The following N4BP2L2 variants were observed in gnomAD, a reference collection of about 807,000 sequenced individuals.
The protein encoded by N4BP2L2 is NEDD4 binding protein 2 like 2.
Under a neutral mutation model 56.2 loss-of-function variants are expected in N4BP2L2, and 50 were observed. The observed-to-expected ratio is 0.89, with a 90% confidence interval of 0.71 to 1.13. N4BP2L2 has a LOEUF of 1.13. Among genes scored for constraint, N4BP2L2 ranks in the 50% most tolerant of loss-of-function variants. The probability of loss-of-function intolerance (pLI) is 0.00; values close to 1 mark genes in which losing one functional copy is unlikely to be tolerated. For synonymous variants in N4BP2L2, 203 were observed against 223.6 expected, an observed-to-expected ratio of 0.91 and a Z score of 0.82; for missense variants, 689 against 693.8, an observed-to-expected ratio of 0.99 and a Z score of 0.08.
chr13:32,470,779 C>T (rs2082150451), intron 6 of N4BP2L2, among the ~76,000 whole-genome samples: 1 of 152,216 alleles, frequency 6.6e-6, no homozygotes, highest in Non-Finnish European at 1.5e-5. Context: ...ATGCTGAGTA[C>T]AAGTACCTTA....
chr13:32,435,487 G>A (rs544828411), intron 9 of N4BP2L2, among the ~76,000 whole-genome samples: 1 of 152,290 alleles, frequency 6.6e-6, no homozygotes, highest in Admixed American at 6.5e-5. Flanking sequence ...GCCTGCCTCG[G>A]CCTCCCAAAG....
exon 3 of N4BP2L2, chr13:32,527,425 T>C: frequency 6.2e-7 from 1 of 1,614,018 alleles, no homozygotes; most frequent in Non-Finnish European, 8.5e-7. Context: ...CTGGTTCCAG[T>C]CATGGGCATC....
chr13:32,498,583 C>G (rs941430984), intron 6 of N4BP2L2, among the ~76,000 whole-genome samples: 12 of 151,626 alleles, frequency 7.9e-5, no homozygotes, highest in Non-Finnish European at 1.3e-4. Context: ...CTCAAGTGAT[C>G]CACCTGCCTT....
intron 6 of N4BP2L2, among the ~76,000 whole-genome samples, chr13:32,484,190 G>A (rs933990534): frequency 1.2e-4 from 18 of 151,864 alleles, no homozygotes; most frequent in African/African-American, 4.4e-4. Flanking sequence ...AAGTGTGGTG[G>A]CGCACGTCTG....
chr13:32,450,016 A>G (rs1433174599), intron 6 of N4BP2L2, among the ~76,000 whole-genome samples: 1 of 152,240 alleles, frequency 6.6e-6, no homozygotes, highest in East Asian at 1.9e-4. Context: ...CAATGAGACA[A>G]AGACACAGAA....
chr13:32,472,019 C>A (rs1422427402), intron 6 of N4BP2L2, among the ~76,000 whole-genome samples: 1 of 152,218 alleles, frequency 6.6e-6, no homozygotes, highest in Non-Finnish European at 1.5e-5. Flanking sequence ...CTAACTTCCA[C>A]TTTACAAGAA....
At chr13:32,517,706 T>C in exon 6 of N4BP2L2, 2 of 1,475,506 alleles carry the variant, frequency 1.4e-6, no homozygotes, top group Non-Finnish European at 1.8e-6. Flanking sequence ...TGAGGCACTG[T>C]AGCCTTTTTT....
chr13:32,535,734 AAT>A lies in N4BP2L2; in HGVS notation c.1259+33_1259+34del, dbSNP rs758017071. Reference sequence around the variant, plus strand: ...TATCATTTATAATTTTTAAATAATGAATTACCAAGTATTCAGTTGGTATCCTT... The same window carrying A: ...TATCATTTATAATTTTTAAATAATGATACCAAGTATTCAGTTGGTATCCTT... On this transcript the variant is annotated intron_variant, in intron 2 of 5. Coordinates refer to ENST00000267068, the Ensembl canonical transcript of N4BP2L2. 3 of 1,565,664 alleles carry A rather than the reference AAT, an allele frequency of 1.9e-6. No homozygotes were observed. The Admixed American group carries it at 5.7e-5, about 30-fold the overall frequency.
intron 6 of N4BP2L2, among the ~76,000 whole-genome samples, chr13:32,476,896 C>T (rs2083443998): frequency 6.6e-6 from 1 of 152,118 alleles, no homozygotes; most frequent in African/African-American, 2.4e-5. Context: ...CCATGGGGCT[C>T]GAGTGCAGCC....
At chr13:32,536,912 C>T (rs745904170) in exon 2 of N4BP2L2, 12 of 1,613,916 alleles carry the variant, frequency 7.4e-6, no homozygotes, top group Middle Eastern at 1.6e-4. Flanking sequence ...ATCAGCATTA[C>T]TATGATTGTG....
At chr13:32,508,656 T>C (rs2091324039), downstream of N4BP2L2, 1 of 152,174 alleles carries the variant, frequency 6.6e-6, no homozygotes, top group African/African-American at 2.4e-5. Flanking sequence ...AATGACCCAA[T>C]ATATATTATT....
chr13:32,504,346 A>C (rs2090559985), intron 6 of N4BP2L2, among the ~76,000 whole-genome samples: 1 of 152,192 alleles, frequency 6.6e-6, no homozygotes, highest in African/African-American at 2.4e-5. Flanking sequence ...TAAGATGTCC[A>C]CAGGGTTTAT....
At chr13:32,433,186 C>T (rs2075027897) in intron 9 of N4BP2L2, among the ~76,000 whole-genome samples, 1 of 152,216 alleles carries the variant, frequency 6.6e-6, no homozygotes. Flanking sequence ...GAAACTTGTT[C>T]TAGATCCCAT....
chr13:32,500,546 CAA>C (rs1169575568), intron 6 of N4BP2L2, among the ~76,000 whole-genome samples: 772 of 52,188 alleles, frequency 0.015, 6 homozygotes, highest in Admixed American at 0.066. Flanking sequence ...CCTGTCTCTA[CAA>C]AAAAAAAAAA....
chr13:32,446,254 G>T, intron 6 of N4BP2L2: 2 of 695,110 alleles, frequency 2.9e-6, no homozygotes, highest in Non-Finnish European at 4.3e-6. Flanking sequence ...ATACTCTAAG[G>T]AACACTAATG....
chr13:32,530,429 T>G (rs1240481558), intron 2 of N4BP2L2, among the ~76,000 whole-genome samples: 1 of 152,186 alleles, frequency 6.6e-6, no homozygotes, highest in Non-Finnish European at 1.5e-5. Context: ...ATTTTCAAAA[T>G]TCTTAGACTG....
At chr13:32,458,725 T>C (rs1036900955) in intron 6 of N4BP2L2, among the ~76,000 whole-genome samples, 2 of 152,158 alleles carry the variant, frequency 1.3e-5, no homozygotes, top group Non-Finnish European at 2.9e-5. Flanking sequence ...CTCAGCCTTA[T>C]AGATCACCTA....
intron 6 of N4BP2L2, among the ~76,000 whole-genome samples, chr13:32,497,567 C>T (rs1467827222): frequency 1.3e-5 from 2 of 152,154 alleles, no homozygotes; most frequent in African/African-American, 4.8e-5. Flanking sequence ...ACTGGATCAA[C>T]CAAGAGATGG....
intron 6 of N4BP2L2, among the ~76,000 whole-genome samples, chr13:32,472,354 C>T (rs889204551): frequency 1.3e-5 from 2 of 152,190 alleles, no homozygotes; most frequent in Non-Finnish European, 2.9e-5. Context: ...CTGGTTCTTA[C>T]TTATTTGGTA....
Sources: gnomAD v4.1 joint callset for allele counts (sites outside exome capture counted in the v4.1 genomes callset) on GRCh38, gnomAD v4.1.1 for gene constraint, MANE v1.5 for transcripts, NCBI Gene and HGNC (gene_info 2026-07-23, HGNC 2026-07-21) for gene names.